Variants in ZC3H18 observed in about 807,000 individuals in gnomAD.
ZC3H18 encodes the protein zinc finger CCCH-type containing 18, also known as zinc finger CCCH domain-containing protein 18.
Under a neutral mutation model 106.1 loss-of-function variants are expected in ZC3H18, and 8 were observed. That is an observed-to-expected ratio of 0.08 (90% confidence interval 0.04 to 0.14). The LOEUF (loss-of-function observed/expected upper bound fraction) is 0.14, where lower values mean the gene tolerates loss of function less well. Ranked by LOEUF, ZC3H18 falls within the 10% of genes least tolerant of loss-of-function variation. ZC3H18 has a pLI of 1.00. For synonymous variants in ZC3H18, 635 were observed against 522.1 expected (o/e 1.22, Z -2.95); for missense variants, 1,318 against 1,278.4 (o/e 1.03, Z -0.47).
chr16:88,621,985 C>G (rs1194783958), intron 8 of ZC3H18, among the ~76,000 whole-genome samples: 1 of 152,154 alleles, frequency 6.6e-6, no homozygotes, highest in Non-Finnish European at 1.5e-5. Context: ...CCCTGAGTAA[C>G]AGACACTGAG....
At position 88,602,631 on chromosome 16, in the gene ZC3H18, C is replaced by G. The variant is rs368792066; in HGVS notation, c.1088+2683C>G. ...CATTGATTGTAAGTAATTCCAGGGA[C>G]ACAAATTCTCTGAAGATACCATGTT... On this transcript the variant is annotated intron_variant, in intron 6 of 17. Coordinates refer to ENST00000301011, the MANE Select transcript of ZC3H18 (RefSeq NM_144604.4). 8.7e-4 allele frequency among the ~76,000 whole-genome samples: 132 copies of G among 152,326 alleles called. 1 individual carries two copies. The South Asian group carries it at 0.026, about 30-fold the overall frequency.
intron 3 of ZC3H18, among the ~76,000 whole-genome samples, chr16:88,596,929 G>C (rs995756233): frequency 1.3e-5 from 2 of 152,022 alleles, no homozygotes; most frequent in African/African-American, 4.8e-5. Flanking sequence ...TTTGTTTTTT[G>C]TTGTTGTTTT....
intron 1 of ZC3H18, among the ~76,000 whole-genome samples, chr16:88,576,611 G>A (rs1343439131): frequency 6.6e-6 from 1 of 152,160 alleles, no homozygotes; most frequent in East Asian, 1.9e-4. Flanking sequence ...AACAGAAAAG[G>A]CTCCAGACTT....
chr16:88,572,003 G>A (rs1433011268), intron 1 of ZC3H18, among the ~76,000 whole-genome samples: 10 of 152,216 alleles, frequency 6.6e-5, no homozygotes, highest in Admixed American at 6.5e-4. Context: ...TAGTAAAAAT[G>A]TAGTCATATG....
chr16:88,622,140 G>A (rs910758158), intron 8 of ZC3H18, 57 bp from the exon 9 acceptor site: 103 of 1,545,130 alleles, frequency 6.7e-5, no homozygotes, highest in Middle Eastern at 1.9e-4. Flanking sequence ...TGTCACACCT[G>A]GCATTGCTGT....
intron 3 of ZC3H18, among the ~76,000 whole-genome samples, chr16:88,592,749 T>C (rs1915825918): frequency 6.6e-6 from 1 of 152,222 alleles, no homozygotes; most frequent in Admixed American, 6.5e-5. Context: ...ATCGAAACTA[T>C]ATTTATAATA....
Position 88,598,667 on chromosome 16 carries a change from C to T in ZC3H18, c.885C>T (p.Pro295=). Residue 295 remains proline (P), a synonymous_variant, in exon 5 of 18, where the codon CCC becomes CCT. Transcript: ENST00000301011. The stretch of plus-strand genomic sequence containing the variant: ...TTTTGCCTCCACCCCCTCCAGAGCC[C>T]CCAACAGAGAGTGCCTGGGAACGAG... ...DEILPPPPPE[P]PTESAWERGL... 2 of 1,613,252 alleles carry T rather than the reference C, an allele frequency of 1.2e-6. No homozygotes were observed. The highest frequency in any genetic ancestry group is 1.7e-6 in the Non-Finnish European group (2 of 1,179,658).
chr16:88,598,044 T>C (rs2142670447), intron 3 of ZC3H18, 134 bp from the exon 4 acceptor site: 2 of 750,362 alleles, frequency 2.7e-6, no homozygotes, highest in Non-Finnish European at 4.0e-6. Flanking sequence ...CCCGTTCAGT[T>C]CCCACTACTG....
intron 8 of ZC3H18, among the ~76,000 whole-genome samples, chr16:88,617,501 G>GGCAC (rs1451545058): frequency 6.6e-6 from 1 of 152,190 alleles, no homozygotes. Context: ...TCACCGCCGA[G>GGCAC]GCACGTCATT....
chr16:88,611,255 C>T lies in ZC3H18; in HGVS notation c.1207-13C>T. On this transcript the variant is annotated splice_polypyrimidine_tract_variant and intron_variant, in intron 7 of 17. Transcript: ENST00000301011. ...ACGCACGGTGTCCCCATGTGTTTGG[C>T]TTTTTAACAAAGGAAAGGGAGCGGG... The T allele has an allele frequency of 1.3e-6, 1 of 757,688 alleles. No homozygotes were observed. The highest frequency in any genetic ancestry group is 2.5e-5 in the East Asian group (1 of 40,634). The allele number at this position is 757,688 out of a possible 1,614,324, so 46.9% of individuals were successfully genotyped here.
chr16:88,588,210 A>G (rs892149977), intron 3 of ZC3H18, among the ~76,000 whole-genome samples: 3 of 152,236 alleles, frequency 2.0e-5, no homozygotes, highest in Non-Finnish European at 4.4e-5. Context: ...CAGTGTCTCA[A>G]ATTTCTGTAT....
At chr16:88,628,356 T>G (rs1009349222) in intron 15 of ZC3H18, among the ~76,000 whole-genome samples, 1 of 152,140 alleles carries the variant, frequency 6.6e-6, no homozygotes, top group African/African-American at 2.4e-5. Context: ...GAGGGCGTTC[T>G]CTTCGTGCCT....
In ZC3H18 at chr16:88,631,346, G is replaced by A. The variant is rs764412186; in HGVS notation, c.*47G>A. 9.2e-5 allele frequency: 143 copies of A among 1,549,238 alleles called. No individual in the cohort carries two copies. The highest frequency in any genetic ancestry group is 2.0e-4 in the Admixed American group (10 of 50,998). On this transcript the variant is annotated 3_prime_UTR_variant, in exon 18 of 18. Transcript: ENST00000301011. ...ACGCATTTTTATACATAGGGTAAGC[G>A]CAGCCATTTTGGATTTTGCAGTTAA...
At chr16:88,630,311 C>T (rs1906581598) in intron 16 of ZC3H18, 174 bp from the exon 17 acceptor site, 1 of 561,398 alleles carries the variant, frequency 1.8e-6, no homozygotes, top group Non-Finnish European at 3.1e-6. Context: ...TGCCTTGGTG[C>T]CCACATCTCT....
rs115059595 is a variant in ZC3H18 at position 88,631,155 on chromosome 16, C to T, written c.2718C>T (p.Pro906=). 46 of 1,613,296 alleles carry T rather than the reference C, an allele frequency of 2.9e-5. No homozygotes were observed. The highest frequency in any genetic ancestry group is 1.7e-4 in the Middle Eastern group (1 of 5,908). The change falls in exon 18 of 18, where the codon CCC becomes CCT. Residue 906 remains proline (P), a synonymous_variant. Transcript: ENST00000301011. ...SKSSSKVTSV[P]GKASDPGAAS... is the part of the protein sequence containing the mutation. ...GCTCCAGCAAGGTCACGAGCGTGCCCGGCAAAGCCTCGGATCCCGGCGCCG... is the reference window on the plus strand; with the variant it reads ...GCTCCAGCAAGGTCACGAGCGTGCCTGGCAAAGCCTCGGATCCCGGCGCCG...
In ZC3H18 at chr16:88,631,922, C is replaced by CT. The variant is rs972214302; in HGVS notation, c.*630dup. On this transcript the variant is annotated 3_prime_UTR_variant, in exon 18 of 18. Coordinates refer to ENST00000301011, the MANE Select transcript of ZC3H18 (RefSeq NM_144604.4). ...GGGGCGTCTGTCTAATGTGGTGGGT[C>CT]TTTTTTTGAGGGGTCTCCTAAAATA... 9 of 255,188 alleles carry CT rather than the reference C, an allele frequency of 3.5e-5. No homozygotes were observed. The highest frequency in any genetic ancestry group is 7.1e-5 in the African/African-American group (3 of 42,166). The allele number at this position is 255,188 out of a possible 1,614,324, so 15.8% of individuals were successfully genotyped here.
intron 13 of ZC3H18, 45 bp downstream of exon 13, chr16:88,625,312 G>A (rs1906235910): frequency 6.4e-7 from 1 of 1,555,450 alleles, no homozygotes; most frequent in Non-Finnish European, 8.7e-7. Flanking sequence ...TCCCCGTCGG[G>A]GCCAGGAAGT....
chr16:88,601,699 C>G (rs1779190942), intron 6 of ZC3H18, among the ~76,000 whole-genome samples: 1 of 152,138 alleles, frequency 6.6e-6, no homozygotes, highest in African/African-American at 2.4e-5. Flanking sequence ...AAGGTTTTCA[C>G]TGGTGTCTGA....
chr16:88,582,133 G>T (rs1020181553), intron 2 of ZC3H18, among the ~76,000 whole-genome samples: 3 of 151,474 alleles, frequency 2.0e-5, no homozygotes, highest in Admixed American at 6.6e-5. Flanking sequence ...ATAATTGGTA[G>T]CTCTCAGTCC....
Sources: allele counts gnomAD v4.1 joint callset (sites outside exome capture counted in the v4.1 genomes callset), GRCh38; gene constraint gnomAD v4.1.1; transcripts MANE v1.5; gene names NCBI Gene and HGNC (gene_info 2026-07-23, HGNC 2026-07-21).